PCLO: variants seen among roughly 807,000 people sequenced by gnomAD.
PCLO encodes protein piccolo.
Under a neutral mutation model 427.5 loss-of-function variants are expected in PCLO, and 82 were observed. The observed-to-expected ratio is 0.19, with a 90% CI of 0.16 to 0.23. The LOEUF (loss-of-function observed/expected upper bound fraction) is 0.23, where lower values mean the gene tolerates loss of function less well. Among genes scored for constraint, PCLO ranks in the 10% least tolerant of loss-of-function variants. The pLI is 1.00. For synonymous variants in PCLO, 2,357 were observed against 2,155.4 expected (o/e 1.09, Z -2.59); for missense variants, 6,239 against 6,115.9 (o/e 1.02, Z -0.67).
intron 3 of PCLO, among the ~76,000 whole-genome samples, chr7:83,101,402 T>A (rs572893454): frequency 1.4e-3 from 210 of 152,204 alleles, no homozygotes; most frequent in African/African-American, 4.8e-3. Context: ...CATAGCTAAA[T>A]AAATCTGCAT....
intron 3 of PCLO, among the ~76,000 whole-genome samples, chr7:83,103,370 A>G (rs1207652254): frequency 4.6e-5 from 7 of 151,950 alleles, no homozygotes; most frequent in Non-Finnish European, 1.0e-4. Context: ...TGCTTACAAC[A>G]GTGGCCAGAA....
At chr7:82,791,463 T>C (rs557496914) in intron 22 of PCLO, among the ~76,000 whole-genome samples, 40 of 152,338 alleles carry the variant, frequency 2.6e-4, no homozygotes, top group Middle Eastern at 3.4e-3. Context: ...ATCTGCTTAG[T>C]GCAGGACAAA....
intron 2 of PCLO, among the ~76,000 whole-genome samples, chr7:83,152,034 G>C (rs988261029): frequency 4.0e-5 from 6 of 150,784 alleles, no homozygotes; most frequent in African/African-American, 1.2e-4. Flanking sequence ...GCGTGATCTT[G>C]GCTCACTGCA....
chr7:82,941,886 T>C lies in PCLO; in HGVS notation c.11112+7590A>G, dbSNP rs142007601. On this transcript the variant is annotated intron_variant, in intron 6 of 24. Coordinates refer to ENST00000333891, the MANE Select transcript of PCLO (RefSeq NM_033026.6). ...TAATGTTTAGCAATTTAAACAGATA[T>C]ACAAAAGCGTGGCCAGGCACAGTGG... 2.9e-3 allele frequency among the ~76,000 whole-genome samples: 439 copies of C among 152,246 alleles called. 2 individuals are homozygous for C. The highest frequency in any genetic ancestry group is 0.01 in the African/African-American group (423 of 41,546).
At chr7:83,148,123 C>T (rs1179869362) in intron 2 of PCLO, among the ~76,000 whole-genome samples, 1 of 152,160 alleles carries the variant, frequency 6.6e-6, no homozygotes, top group African/African-American at 2.4e-5. Context: ...TATCCACACT[C>T]CTGGGTACAT....
In PCLO at chr7:82,916,022, T is replaced by C; in HGVS notation, c.11964A>G (p.Ile3988Met). 1.9e-6 allele frequency: 3 copies of C among 1,612,870 alleles called. No individual in the cohort carries two copies. Among genetic ancestry groups the C allele is most frequent in the Non-Finnish European group, 2.5e-6 (3 of 1,179,778 alleles). Residue 3988 changes from isoleucine (I) to methionine (M), a missense_variant, in exon 7 of 25, where the codon ATA (isoleucine) becomes ATG (methionine). This residue lies in a region of PCLO where 680 missense variants were observed against 677.3 expected (regional missense o/e 1.00). Coordinates refer to ENST00000333891, the MANE Select transcript of PCLO (RefSeq NM_033026.6). ...ATGTGTTATCCGTAGAAACAGGTGCTATCATAAGGGGTTGGTTGCGAATCA... is the reference window on the plus strand; with the variant it reads ...ATGTGTTATCCGTAGAAACAGGTGCCATCATAAGGGGTTGGTTGCGAATCA... Reference protein sequence around the residue: ...YEVIRNQPLMIAPVSTDNTFA... With the variant: ...YEVIRNQPLMMAPVSTDNTFA...
At chr7:82,922,093 T>C (rs1249007367) in intron 6 of PCLO, among the ~76,000 whole-genome samples, 3 of 151,624 alleles carry the variant, frequency 2.0e-5, no homozygotes, top group Non-Finnish European at 4.4e-5. Context: ...AAAACAGATG[T>C]TGACTAGGTT....
At position 82,955,887 on chromosome 7, in the gene PCLO, G is replaced by T; in HGVS notation, c.5066C>A (p.Thr1689Lys). 1 of 1,613,786 alleles carries T rather than the reference G, an allele frequency of 6.2e-7. No homozygotes were observed. The highest frequency in any genetic ancestry group is 8.5e-7 in the Non-Finnish European group (1 of 1,179,812). ...TGGCTCTTCGTCAAAATACAAACTT[G>T]TTTTTTTCTGTGATGACTCTGCAGA... ...KYSAESSQKK[T>K]SLYFDEEPEL... The change falls in exon 5 of 25, where the codon ACA (threonine) becomes AAA (lysine). Residue 1689 changes from threonine (T) to lysine (K), a missense_variant. Around this residue, in one of 5 missense-constraint regions of PCLO, gnomAD observed 4,677 missense variants for 4,468.4 expected, o/e 1.05. Transcript: ENST00000333891.
chr7:83,028,796 T>C (rs991599835), intron 3 of PCLO, among the ~76,000 whole-genome samples: 3 of 148,982 alleles, frequency 2.0e-5, no homozygotes, highest in Admixed American at 6.7e-5. Context: ...CCCTCAGAAA[T>C]AACGCCGCGT....
intron 22 of PCLO, among the ~76,000 whole-genome samples, chr7:82,798,989 G>A (rs1264048176): frequency 1.3e-5 from 2 of 152,134 alleles, no homozygotes; most frequent in African/African-American, 2.4e-5. Context: ...AAATAAAGTC[G>A]CCTCTGATTG....
At chr7:82,849,684 T>C (rs1792598652) in intron 10 of PCLO, among the ~76,000 whole-genome samples, 1 of 152,162 alleles carries the variant, frequency 6.6e-6, no homozygotes, top group Non-Finnish European at 1.5e-5. Flanking sequence ...AAAATATTTG[T>C]TAATTGTAAC....
chr7:83,089,273 A>C (rs949174937), intron 3 of PCLO, among the ~76,000 whole-genome samples: 1 of 152,140 alleles, frequency 6.6e-6, no homozygotes, highest in Non-Finnish European at 1.5e-5. Context: ...AGCCTTCTGA[A>C]TGGAATGAAT....
At chr7:82,877,668 CATTT>C (rs1227756811) in intron 10 of PCLO, among the ~76,000 whole-genome samples, 3 of 151,804 alleles carry the variant, frequency 2.0e-5, no homozygotes, top group Non-Finnish European at 4.4e-5. Context: ...TAATAATGTG[CATTT>C]ATTTATTTAT....
rs180707445 is a variant in PCLO at position 82,804,449 on chromosome 7, A to G, written c.14933+1239T>C. On this transcript the variant is annotated intron_variant, in intron 21 of 24. Transcript: ENST00000333891. ...TAAACTGAACCATTATCAAAATATT[A>G]TAATTGTTGTGGACATCAGAAGGAA... Among the ~76,000 whole-genome samples the G allele has an allele frequency of 3.3e-5, 5 of 152,334 alleles. No individual in the cohort carries two copies. In the East Asian group the frequency reaches 9.6e-4, roughly 29 times the overall value.
At chr7:82,890,023 T>C (rs1584106782) in intron 9 of PCLO, among the ~76,000 whole-genome samples, 1 of 151,470 alleles carries the variant, frequency 6.6e-6, no homozygotes, top group East Asian at 1.9e-4. Context: ...GGAAATATTT[T>C]ACATATTACA....
chr7:83,054,547 A>C (rs1319639791), intron 3 of PCLO, among the ~76,000 whole-genome samples: 2 of 152,082 alleles, frequency 1.3e-5, no homozygotes, highest in African/African-American at 4.8e-5. Flanking sequence ...TAAAATTATA[A>C]AGATATTAAT....
At chr7:82,827,696 C>A (rs1389544978) in intron 17 of PCLO, among the ~76,000 whole-genome samples, 177 bp downstream of exon 17, 1 of 152,012 alleles carries the variant, frequency 6.6e-6, no homozygotes, top group Non-Finnish European at 1.5e-5. Flanking sequence ...CATTTACTTT[C>A]ACCCTGTGCT....
intron 20 of PCLO, among the ~76,000 whole-genome samples, chr7:82,818,090 AAAC>A (rs3064869): frequency 0.43 from 65,439 of 151,626 alleles, 16,040 homozygotes; most frequent in East Asian, 0.85. Flanking sequence ...AGCATGGGGA[AAAC>A]AACAACAACA....
At position 82,953,711 on chromosome 7, in the gene PCLO, A is replaced by G. The variant is rs1313275403; in HGVS notation, c.7242T>C (p.Pro2414=). ...QPPPPPPPPP[P]PPPPPPPPPP... is the part of the protein sequence containing the mutation. ...GAGGGGGTGGTGGTGGAGGAGGAGG[A>G]GGAGGGGGAGGGGGAGGAGGGGGAG... The change falls in exon 5 of 25, where the codon CCT becomes CCC. Residue 2414 remains proline, a synonymous_variant. Coordinates refer to ENST00000333891, the MANE Select transcript of PCLO (RefSeq NM_033026.6). 2.2e-5 allele frequency: 10 copies of G among 454,546 alleles called. No homozygotes were observed. In the African/African-American group the frequency reaches 2.5e-4, roughly 11 times the overall value. The allele number at this position is 454,546 out of a possible 1,614,324, so 28.2% of individuals were successfully genotyped here.
Sources: gnomAD v4.1 joint callset for allele counts (sites outside exome capture counted in the v4.1 genomes callset) on GRCh38, gnomAD v4.1.1 for gene constraint, gnomAD v4.1.1 regional missense constraint, MANE v1.5 for transcripts, NCBI Gene and HGNC (gene_info 2026-07-23, HGNC 2026-07-21) for gene names.